Variants in TACC2 observed in about 807,000 individuals in gnomAD.
The protein encoded by TACC2 is transforming acidic coiled-coil containing protein 2, also known as transforming acidic coiled-coil-containing protein 2.
Under a neutral mutation model 227.3 loss-of-function variants are expected in TACC2, and 137 were observed. That is an observed-to-expected ratio of 0.60 (90% CI 0.52 to 0.69). The LOEUF is 0.69. Ranked by LOEUF, TACC2 falls within the 30% of genes least tolerant of loss-of-function variation. The probability of loss-of-function intolerance (pLI) is 0.00; values close to 1 mark genes in which losing one functional copy is unlikely to be tolerated. For missense variants in TACC2, 3,470 were observed against 3,694.4 expected (o/e 0.94, Z 1.57); for synonymous variants, 1,523 against 1,487.5 (o/e 1.02, Z -0.55).
intron 7 of TACC2, among the ~76,000 whole-genome samples, chr10:122,182,294 A>C (rs1388726840): frequency 1.3e-5 from 2 of 152,234 alleles, no homozygotes; most frequent in African/African-American, 4.8e-5. Context: ...CTCTGGACGC[A>C]GGTTCTCTCT....
intron 5 of TACC2, among the ~76,000 whole-genome samples, chr10:122,103,983 C>A (rs1415818490): frequency 6.6e-6 from 1 of 152,062 alleles, no homozygotes; most frequent in Non-Finnish European, 1.5e-5. Flanking sequence ...AGTGACTTTG[C>A]CTCTATTTGG....
In TACC2 at chr10:122,005,133, G is replaced by A. The variant is rs189842216; in HGVS notation, c.-46+15645G>A. Among the ~76,000 whole-genome samples, 26 of 148,826 alleles carry A rather than the reference G, an allele frequency of 1.7e-4. No homozygotes were observed. In the East Asian group the frequency reaches 5.2e-3, roughly 30 times the overall value. On this transcript the variant is annotated intron_variant, in intron 1 of 22. Coordinates refer to ENST00000369005, the MANE Select transcript of TACC2 (RefSeq NM_206862.4). The stretch of plus-strand genomic sequence containing the variant: ...GTCTCACCTTGTCGCCCAGGCTGGA[G>A]TGCAATGGTGCAATCCGGGCTCACT...
chr10:122,149,789 A>G (rs1304284747), intron 7 of TACC2, among the ~76,000 whole-genome samples: 1 of 152,216 alleles, frequency 6.6e-6, no homozygotes, highest in African/African-American at 2.4e-5. Context: ...GTCTCCGGGG[A>G]TTAGACTCTG....
Position 122,202,013 on chromosome 10 carries a change from C to CTT in TACC2, c.5971+6856_5971+6857dup, listed in dbSNP as rs767544440. The stretch of plus-strand genomic sequence containing the variant: ...TCTGTCTTCATGCTGTCTTCTTTAG[C>CTT]TTTTTTTTTTTTTTTTTTTTAATTC... On this transcript the variant is annotated intron_variant, in intron 8 of 22. Transcript: ENST00000369005. Among the ~76,000 whole-genome samples the CTT allele has an allele frequency of 5.9e-5, 6 of 102,370 alleles. No individual in the cohort carries two copies. The East Asian group carries it at 9.2e-4, about 16-fold the overall frequency. 67.2% of individuals were successfully genotyped at this position (102,370 alleles called of 152,430 possible). A position where few individuals can be genotyped will look rare whatever the true frequency, so the allele number is the denominator to read the frequency against.
chr10:122,080,225 G>GTTTTTTTTTTTTTT (rs57690157), intron 3 of TACC2, among the ~76,000 whole-genome samples: 2 of 127,230 alleles, frequency 1.6e-5, no homozygotes, highest in Admixed American at 8.0e-5. Context: ...TTTTTTTTTT[G>GTTTTTTTTTTTTTT]TTTTTTTTTT....
chr10:122,113,865 G>T (rs577744847), intron 5 of TACC2, among the ~76,000 whole-genome samples: 1 of 152,224 alleles, frequency 6.6e-6, no homozygotes, highest in African/African-American at 2.4e-5. Flanking sequence ...CGCAGAGTGC[G>T]CCTCTGCCTC....
At chr10:122,078,990 C>T (rs1047506875) in intron 3 of TACC2, 1 of 152,224 alleles carries the variant, frequency 6.6e-6, no homozygotes, top group African/African-American at 2.4e-5. Context: ...GTAACGACTT[C>T]AGCCAGCCTG....
In TACC2 at chr10:122,209,271, G is replaced by A. The variant is rs562187965; in HGVS notation, c.5972-1126G>A. Among the ~76,000 whole-genome samples the A allele has an allele frequency of 1.3e-5, 2 of 152,230 alleles. No individual in the cohort carries two copies. Among genetic ancestry groups the A allele is most frequent in the Non-Finnish European group, 2.9e-5 (2 of 68,012 alleles). On this transcript the variant is annotated intron_variant, in intron 8 of 22. Coordinates refer to ENST00000369005, the MANE Select transcript of TACC2 (RefSeq NM_206862.4). This position sits in a 1 kb window ranked among gnomAD's most constrained non-coding sequence, Gnocchi z 4.5. ...GACAGCAAGTGCTACTACAGGTGCC[G>A]GGGGCCTCCGTGTACAGGCTCCCCT...
intron 6 of TACC2, among the ~76,000 whole-genome samples, chr10:122,136,504 A>AATAT (rs36026067): frequency 3.0e-4 from 45 of 147,802 alleles, no homozygotes; most frequent in South Asian, 6.4e-4. Flanking sequence ...AATTGAAATG[A>AATAT]ATATATATAT....
rs1197005319 is a variant in TACC2 at position 122,141,850 on chromosome 10, A to G, written c.5700-1722A>G. The stretch of plus-strand genomic sequence containing the variant: ...GTGGAGGGGGGAGCACAGCAGTGTA[A>G]TTTCTTGAGAAAGCGAAGTTAGACT... On this transcript the variant is annotated intron_variant, in intron 6 of 22. Transcript: ENST00000369005. The surrounding 1 kb of genome is among the most constrained non-coding windows in gnomAD (Gnocchi z 4.3). Among the ~76,000 whole-genome samples the G allele has an allele frequency of 7.9e-5, 12 of 152,108 alleles. No individual in the cohort carries two copies. The highest frequency in any genetic ancestry group is 2.9e-4 in the African/African-American group (12 of 41,430).
At chr10:122,045,065 C>T (rs1439327245) in intron 2 of TACC2, among the ~76,000 whole-genome samples, 1 of 152,116 alleles carries the variant, frequency 6.6e-6, no homozygotes, top group East Asian at 1.9e-4. Flanking sequence ...GATTCAAAAG[C>T]ACAGGGAAAT....
chr10:121,992,470 A>G lies in TACC2; in HGVS notation c.-46+2982A>G, dbSNP rs7921577. 1.6e-3 allele frequency among the ~76,000 whole-genome samples: 239 copies of G among 152,290 alleles called. 1 individual carries two copies. Among genetic ancestry groups the G allele is most frequent in the African/African-American group, 5.5e-3 (228 of 41,582 alleles). On this transcript the variant is annotated intron_variant, in intron 1 of 22. Transcript: ENST00000369005. ...CACAAGAACTTCAAGAAAAGTTATA[A>G]AATGTAATTGCACAGAACAACTCAG...
chr10:122,036,395 G>T (rs1237104352), intron 2 of TACC2, among the ~76,000 whole-genome samples: 1 of 151,000 alleles, frequency 6.6e-6, no homozygotes, highest in Non-Finnish European at 1.5e-5. Context: ...GAGTTTCACC[G>T]TGTTAGCCAG....
chr10:122,212,933 C>T lies in TACC2; in HGVS notation c.7283+1225C>T, dbSNP rs988363021. 4.1e-5 allele frequency among the ~76,000 whole-genome samples: 6 copies of T among 145,526 alleles called. No individual in the cohort carries two copies. The South Asian group carries it at 1.1e-3, about 26-fold the overall frequency. On this transcript the variant is annotated intron_variant, in intron 9 of 22. Coordinates refer to ENST00000369005, the MANE Select transcript of TACC2 (RefSeq NM_206862.4). ...GTCTGCAATGGCTAGACTGCAAGGC[C>T]GTGCTCTCTCATCTGGAATGAGAGC... is the stretch of plus-strand genomic sequence containing the variant.
rs150502387 is a variant in TACC2, at chr10:122,241,936, C to T, written c.8349-22C>T. ...AACCATTCTGTTGTCATGACTCCAA[C>T]GTGTCTTTACTTCTCTTATAGGAAA... On this transcript the variant is annotated intron_variant, in intron 18 of 22. Coordinates refer to ENST00000369005, the MANE Select transcript of TACC2 (RefSeq NM_206862.4). 14,922 of 1,612,112 alleles carry T rather than the reference C, an allele frequency of 9.3e-3. 115 individuals are homozygous for T. Among genetic ancestry groups the T allele is most frequent in the Middle Eastern group, 0.015 (89 of 6,060 alleles).
intron 16 of TACC2, among the ~76,000 whole-genome samples, chr10:122,236,853 T>C (rs756453649): frequency 4.1e-4 from 62 of 152,332 alleles, no homozygotes; most frequent in Non-Finnish European, 7.8e-4. Flanking sequence ...AAAGGTGATA[T>C]TGGTTGACAA....
chr10:122,039,658 G>C (rs1038843795), intron 2 of TACC2, among the ~76,000 whole-genome samples: 13 of 152,254 alleles, frequency 8.5e-5, no homozygotes, highest in African/African-American at 3.1e-4. Context: ...AGTTTATTTC[G>C]ACAGTATTTG....
intron 22 of TACC2, among the ~76,000 whole-genome samples, chr10:122,251,706 C>T (rs376265195): frequency 4.6e-5 from 7 of 152,046 alleles, no homozygotes; most frequent in South Asian, 4.2e-4. Flanking sequence ...AGCAAGACCC[C>T]GTCTCTAAAA....
rs143486849 is a variant in TACC2 at position 122,200,254 on chromosome 10, G to C, written c.5971+5078G>C. ...CTGGCCATCGAGCCAGGGGTATATG[G>C]GTTCACAGCCACCAGATCCAAGCCC... On this transcript the variant is annotated intron_variant, in intron 8 of 22. Coordinates refer to ENST00000369005, the MANE Select transcript of TACC2 (RefSeq NM_206862.4). Among the ~76,000 whole-genome samples, 1,143 of 152,360 alleles carry C rather than the reference G, an allele frequency of 7.5e-3. 7 individuals carry two copies. The highest frequency in any genetic ancestry group is 0.02 in the Middle Eastern group (6 of 294).
Sources: gnomAD v4.1 joint callset for allele counts (sites outside exome capture counted in the v4.1 genomes callset) on GRCh38, gnomAD v4.1.1 for gene constraint, Gnocchi (gnomAD v3.1) non-coding constraint, MANE v1.5 for transcripts, NCBI Gene and HGNC (gene_info 2026-07-23, HGNC 2026-07-21) for gene names.